Variants in RAB11FIP2 observed in about 807,000 individuals in gnomAD.
RAB11FIP2 encodes RAB11 family interacting protein 2.
A neutral mutation model predicts 40.9 loss-of-function variants in RAB11FIP2; 16 were observed. The observed-to-expected ratio is 0.39, with a 90% confidence interval of 0.26 to 0.59. The LOEUF (loss-of-function observed/expected upper bound fraction) is 0.59. RAB11FIP2 is among the 20% of genes least tolerant of loss of function. The pLI, the probability that RAB11FIP2 is intolerant of heterozygous loss-of-function variation, is 0.53. For synonymous variants in RAB11FIP2, 228 were observed against 213.7 expected (o/e 1.07, Z -0.58); for missense variants, 532 against 606.2 (o/e 0.88, Z 1.28).
chr10:118,037,162 T>C (rs1846492450), intron 3 of RAB11FIP2, among the ~76,000 whole-genome samples: 1 of 152,110 alleles, frequency 6.6e-6, no homozygotes, highest in Non-Finnish European at 1.5e-5. Context: ...ATATAAGATT[T>C]AATGTAATAT....
At chr10:118,023,340 C>T (rs1023345897) in intron 3 of RAB11FIP2, among the ~76,000 whole-genome samples, 6 of 152,090 alleles carry the variant, frequency 3.9e-5, no homozygotes, top group African/African-American at 1.4e-4. Context: ...ATTCCAATTA[C>T]GTTCATTATA....
chr10:118,020,206 CTCTTTAG>C (rs1846267729), intron 3 of RAB11FIP2, among the ~76,000 whole-genome samples: 1 of 152,212 alleles, frequency 6.6e-6, no homozygotes, highest in Non-Finnish European at 1.5e-5. Flanking sequence ...ACAGTCCAAA[CTCTTTAG>C]TCATAAACTC....
chr10:118,033,211 C>T (rs1340629303), intron 3 of RAB11FIP2, among the ~76,000 whole-genome samples: 1 of 151,834 alleles, frequency 6.6e-6, no homozygotes, highest in Admixed American at 6.6e-5. Context: ...TTTTTAAACC[C>T]GATAGTCAAT....
intron 3 of RAB11FIP2, among the ~76,000 whole-genome samples, chr10:118,019,529 CT>C (rs1846258765): frequency 6.6e-6 from 1 of 152,050 alleles, no homozygotes; most frequent in Admixed American, 6.6e-5. Flanking sequence ...GCTCTAGAGA[CT>C]TGGGGATTCA....
rs1846539836 is a variant in RAB11FIP2, at chr10:118,040,355, A to G, written c.564T>C (p.Ile188=). Residue 188 remains isoleucine, a synonymous_variant, in exon 2 of 5, where the codon ATT becomes ATC. Coordinates refer to ENST00000355624, the MANE Select transcript of RAB11FIP2 (RefSeq NM_014904.3). ...TGGCATCGGGCATGTGAGTACTTGG[A>G]ATGATTGCAGAAGACGTATCAGAAA... ...GTFSDTSSAI[I]PSTHMPDANS... 6.2e-7 allele frequency: 1 copy of G among 1,613,726 alleles called. No individual in the cohort carries two copies. The highest frequency in any genetic ancestry group is 1.3e-5 in the African/African-American group (1 of 74,894).
At chr10:118,036,896 G>C (rs1009383851) in intron 3 of RAB11FIP2, among the ~76,000 whole-genome samples, 1 of 151,972 alleles carries the variant, frequency 6.6e-6, no homozygotes, top group Admixed American at 6.6e-5. Flanking sequence ...TTTAAAACCC[G>C]TAACAGCCCA....
intron 3 of RAB11FIP2, among the ~76,000 whole-genome samples, chr10:118,022,562 C>G (rs1029468781): frequency 2.0e-5 from 3 of 152,092 alleles, no homozygotes; most frequent in Non-Finnish European, 4.4e-5. Flanking sequence ...AATTAAGAAA[C>G]AGAAATGCTA....
Position 118,008,953 on chromosome 10 carries a change from T to C in RAB11FIP2, c.*45A>G, listed in dbSNP as rs753860050. The C allele has an allele frequency of 8.1e-6, 12 of 1,478,364 alleles. No individual in the cohort carries two copies. The South Asian group carries it at 1.4e-4, about 17-fold the overall frequency. 91.6% of individuals were successfully genotyped at this position (1,478,364 alleles called of 1,614,324 possible). On this transcript the variant is annotated 3_prime_UTR_variant, in exon 5 of 5. Coordinates refer to ENST00000355624, the MANE Select transcript of RAB11FIP2 (RefSeq NM_014904.3). ...AAGTTTTTCCTTCCTTCCTTCTTTCTTTCTCTCTCTTTGTCCAATTATCAA... is the reference window on the plus strand; with the variant it reads ...AAGTTTTTCCTTCCTTCCTTCTTTCCTTCTCTCTCTTTGTCCAATTATCAA...
At chr10:118,016,417 C>T (rs1846220871) in intron 3 of RAB11FIP2, among the ~76,000 whole-genome samples, 1 of 152,278 alleles carries the variant, frequency 6.6e-6, no homozygotes, top group South Asian at 2.1e-4. Context: ...AGCAAAGCAT[C>T]AAGAGCCCAC....
chr10:118,041,925 C>CCTTA (rs1265572406), intron 1 of RAB11FIP2, among the ~76,000 whole-genome samples: 1 of 151,818 alleles, frequency 6.6e-6, no homozygotes, highest in Non-Finnish European at 1.5e-5. Context: ...TGAGAAAATC[C>CCTTA]CTTATATAAG....
chr10:118,039,210 T>A lies in RAB11FIP2; in HGVS notation c.1027A>T (p.Ile343Phe). The change falls in exon 3 of 5, where the codon ATT becomes TTT. Residue 343 changes from isoleucine (I) to phenylalanine (F), a missense_variant. Coordinates refer to ENST00000355624, the MANE Select transcript of RAB11FIP2 (RefSeq NM_014904.3). ...CTTTTATTTTCTTTTCTTATTTCAA[T>A]TGGTTTTGAAAATAAATTCATGCTG... The part of the protein sequence containing the change: ...DSSMNLFSKP[I>F]EIRKENKREK... 6.2e-7 allele frequency: 1 copy of A among 1,613,740 alleles called. No homozygotes were observed.
chr10:118,039,836 AG>A, intron 2 of RAB11FIP2: 1 of 386,304 alleles, frequency 2.6e-6, no homozygotes, highest in East Asian at 4.3e-5. Flanking sequence ...ATTTATGCTC[AG>A]GGTTTTGAGA....
At chr10:118,010,250 T>C (rs940396549) in intron 4 of RAB11FIP2, among the ~76,000 whole-genome samples, 1 of 152,168 alleles carries the variant, frequency 6.6e-6, no homozygotes, top group Non-Finnish European at 1.5e-5. Flanking sequence ...ATCATAGTTC[T>C]CTCATTAAGC....
At chr10:118,023,362 G>C (rs1009667617) in intron 3 of RAB11FIP2, among the ~76,000 whole-genome samples, 4 of 152,060 alleles carry the variant, frequency 2.6e-5, no homozygotes, top group African/African-American at 7.2e-5. Context: ...ATGCAAATAA[G>C]CCTTAAGAGG....
At chr10:118,038,084 C>A (rs977242957) in intron 3 of RAB11FIP2, among the ~76,000 whole-genome samples, 1 of 151,730 alleles carries the variant, frequency 6.6e-6, no homozygotes, top group African/African-American at 2.4e-5. Context: ...TCCAAAAATG[C>A]AGAACCTGCA....
intron 3 of RAB11FIP2, among the ~76,000 whole-genome samples, chr10:118,036,762 T>C (rs1846485938): frequency 6.6e-6 from 1 of 150,542 alleles, no homozygotes; most frequent in African/African-American, 2.5e-5. Context: ...AAAACAACTA[T>C]TTTTTTTTAC....
At chr10:118,027,128 G>GT (rs1263431022) in intron 3 of RAB11FIP2, among the ~76,000 whole-genome samples, 11 of 152,148 alleles carry the variant, frequency 7.2e-5, no homozygotes, top group Non-Finnish European at 1.3e-4. Flanking sequence ...TGCACCATGT[G>GT]TAAAACACTA....
intron 1 of RAB11FIP2, among the ~76,000 whole-genome samples, chr10:118,044,349 C>A (rs1846599513): frequency 6.6e-6 from 1 of 152,068 alleles, no homozygotes; most frequent in Non-Finnish European, 1.5e-5. Flanking sequence ...AGTTTACATT[C>A]AAAACACGTT....
At chr10:118,012,326 A>T (rs1213563262) in intron 4 of RAB11FIP2, among the ~76,000 whole-genome samples, 1 of 151,918 alleles carries the variant, frequency 6.6e-6, no homozygotes, top group East Asian at 1.9e-4. Flanking sequence ...TTTATGTGAA[A>T]ATTTCACCTC....
Sources: allele counts gnomAD v4.1 joint callset (sites outside exome capture counted in the v4.1 genomes callset), GRCh38; gene constraint gnomAD v4.1.1; transcripts MANE v1.5; gene names NCBI Gene and HGNC (gene_info 2026-07-23, HGNC 2026-07-21).